The following MAGI2 variants were observed in gnomAD, a reference collection of about 807,000 sequenced individuals.
MAGI2 encodes membrane associated guanylate kinase, WW and PDZ domain containing 2.
MAGI2 carries 35 observed loss-of-function variants against 133.3 expected under a neutral mutation model. The observed-to-expected ratio is 0.26, with a 90% CI of 0.20 to 0.35. MAGI2 has a LOEUF of 0.35. MAGI2 is among the 10% of genes least tolerant of loss of function. The pLI is 1.00. For missense variants in MAGI2, 1,636 were observed against 1,863.4 expected (o/e 0.88, Z 2.25); for synonymous variants, 729 against 710.6 (o/e 1.03, Z -0.41).
chr7:79,007,570 T>A (rs1393280180), intron 1 of MAGI2, among the ~76,000 whole-genome samples: 1 of 152,102 alleles, frequency 6.6e-6, no homozygotes, highest in Non-Finnish European at 1.5e-5. Context: ...CCCCATTCCA[T>A]CCTACCCCAA....
At chr7:78,739,231 A>G (rs1202719106) in intron 2 of MAGI2, among the ~76,000 whole-genome samples, 1 of 152,202 alleles carries the variant, frequency 6.6e-6, no homozygotes, top group African/African-American at 2.4e-5. Flanking sequence ...TCTTTTAGCC[A>G]TTTCTACAGC....
chr7:79,310,760 T>C (rs1040751500), intron 1 of MAGI2, among the ~76,000 whole-genome samples: 1 of 152,120 alleles, frequency 6.6e-6, no homozygotes, highest in Non-Finnish European at 1.5e-5. Context: ...TTTATCACTA[T>C]GAGCAAATTG....
intron 1 of MAGI2, among the ~76,000 whole-genome samples, chr7:79,228,610 A>G (rs1362895725): frequency 2.6e-5 from 4 of 152,104 alleles, no homozygotes; most frequent in African/African-American, 4.8e-5. Context: ...CTCTCTTCCA[A>G]CAATGAAAAC....
chr7:78,830,592 G>C (rs529963444), intron 2 of MAGI2, among the ~76,000 whole-genome samples: 1 of 152,140 alleles, frequency 6.6e-6, no homozygotes, highest in South Asian at 2.1e-4. Context: ...ATGTATTTTA[G>C]TTTTCCTGTG....
chr7:78,078,552 G>T, intron 21 of MAGI2: 1 of 266,616 alleles, frequency 3.8e-6, no homozygotes, highest in Non-Finnish European at 7.0e-6. Flanking sequence ...GAGATAGTCT[G>T]ATGCATAAAC....
At chr7:78,672,487 A>G (rs753589965) in intron 2 of MAGI2, among the ~76,000 whole-genome samples, 12 of 152,214 alleles carry the variant, frequency 7.9e-5, no homozygotes, top group Non-Finnish European at 1.5e-4. Context: ...AACACAGAAG[A>G]TAAGACAGAT....
intron 5 of MAGI2, among the ~76,000 whole-genome samples, chr7:78,494,768 C>G (rs1793934109): frequency 6.6e-6 from 1 of 152,124 alleles, no homozygotes; most frequent in Non-Finnish European, 1.5e-5. Flanking sequence ...TAAACACATT[C>G]CTTTCCTTTG....
At position 78,048,969 on chromosome 7, in the gene MAGI2, G is replaced by A. The variant is rs549230544; in HGVS notation, c.3707-28993C>T. 1.2e-3 allele frequency among the ~76,000 whole-genome samples: 175 copies of A among 151,906 alleles called. 1 individual carries two copies. Among genetic ancestry groups the A allele is most frequent in the African/African-American group, 4.1e-3 (169 of 41,410 alleles). ...AAAATACAAAAAAAATTAGCCGGGC[G>A]TGGTGGCGTGCGCCTGTAATCCCAG... On this transcript the variant is annotated intron_variant, in intron 21 of 21. Coordinates refer to ENST00000354212, the MANE Select transcript of MAGI2 (RefSeq NM_012301.4).
chr7:78,811,490 T>C (rs892968001), intron 2 of MAGI2, among the ~76,000 whole-genome samples: 3 of 151,998 alleles, frequency 2.0e-5, no homozygotes, highest in Non-Finnish European at 2.9e-5. Flanking sequence ...TGAATATGAA[T>C]ATACATTTTT....
chr7:79,394,355 T>G (rs1409892308), intron 1 of MAGI2, among the ~76,000 whole-genome samples: 1 of 151,966 alleles, frequency 6.6e-6, no homozygotes, highest in Non-Finnish European at 1.5e-5. Flanking sequence ...AAAATAAGAG[T>G]GAAGGGTTAG....
intron 2 of MAGI2, among the ~76,000 whole-genome samples, chr7:78,935,875 G>A (rs1428023171): frequency 6.6e-6 from 1 of 152,066 alleles, no homozygotes; most frequent in Non-Finnish European, 1.5e-5. Flanking sequence ...ACTGAGACAT[G>A]TTATAATGTT....
chr7:78,081,126 T>C (rs73706512), intron 20 of MAGI2, among the ~76,000 whole-genome samples: 11,899 of 152,202 alleles, frequency 0.078, 1,051 homozygotes, highest in African/African-American at 0.22. Context: ...GTAATAAGAA[T>C]CTTCTCCTAT....
At chr7:78,221,590 T>A (rs950396760) in intron 10 of MAGI2, among the ~76,000 whole-genome samples, 1 of 152,136 alleles carries the variant, frequency 6.6e-6, no homozygotes, top group Admixed American at 6.5e-5. Context: ...AATTTGATAT[T>A]TACAAAGATT....
intron 9 of MAGI2, among the ~76,000 whole-genome samples, chr7:78,338,772 C>G (rs1790039961): frequency 6.6e-6 from 1 of 152,084 alleles, no homozygotes; most frequent in African/African-American, 2.4e-5. Context: ...TGATTAAACT[C>G]TTTTCCAATG....
At chr7:78,233,798 A>G (rs890215035) in intron 10 of MAGI2, among the ~76,000 whole-genome samples, 3 of 152,166 alleles carry the variant, frequency 2.0e-5, no homozygotes, top group African/African-American at 7.2e-5. Context: ...CTTCCAGAGC[A>G]AGGTGAAGTT....
At chr7:78,545,432 C>G (rs1292353800) in intron 3 of MAGI2, among the ~76,000 whole-genome samples, 1 of 151,920 alleles carries the variant, frequency 6.6e-6, no homozygotes, top group East Asian at 1.9e-4. Flanking sequence ...AGGCTGGTCT[C>G]AAACTCCTGA....
intron 21 of MAGI2, among the ~76,000 whole-genome samples, chr7:78,070,568 A>ATG (rs1814539464): frequency 1.4e-5 from 1 of 73,920 alleles, no homozygotes; most frequent in Non-Finnish European, 3.1e-5. Flanking sequence ...ATGTATATAT[A>ATG]TGTGTGTATA....
At chr7:78,171,716 C>T (rs1288535013) in intron 14 of MAGI2, among the ~76,000 whole-genome samples, 2 of 152,176 alleles carry the variant, frequency 1.3e-5, no homozygotes, top group African/African-American at 4.8e-5. Context: ...CCAGGTCACA[C>T]CCTTTTAGTC....
At chr7:79,245,829 G>T (rs184257919) in intron 1 of MAGI2, among the ~76,000 whole-genome samples, 1 of 152,306 alleles carries the variant, frequency 6.6e-6, no homozygotes, top group East Asian at 1.9e-4. Context: ...AAGACCCAGT[G>T]TTGTGCTGGC....
Sources: allele counts gnomAD v4.1 joint callset (sites outside exome capture counted in the v4.1 genomes callset), GRCh38; gene constraint gnomAD v4.1.1; transcripts MANE v1.5; gene names NCBI Gene and HGNC (gene_info 2026-07-23, HGNC 2026-07-21).